CELF2: variants seen among roughly 807,000 people sequenced by gnomAD.
The protein encoded by CELF2 is CUGBP Elav-like family member 2.
Under a neutral mutation model 62.6 loss-of-function variants are expected in CELF2, and 8 were observed. The ratio of observed to expected loss-of-function variants is 0.13; its 90% CI spans 0.07 to 0.23. The LOEUF (loss-of-function observed/expected upper bound fraction) is 0.23. Among genes scored for constraint, CELF2 ranks in the 10% least tolerant of loss-of-function variants. CELF2 has a pLI of 1.00. For synonymous variants in CELF2, 258 were observed against 250.0 expected (o/e 1.03, Z -0.30); for missense variants, 333 against 671.0 (o/e 0.50, Z 5.56).
chr10:11,138,191 AT>A, intron 1 of CELF2, among the ~76,000 whole-genome samples: 1 of 152,366 alleles, frequency 6.6e-6, no homozygotes, highest in Non-Finnish European at 1.5e-5. Flanking sequence ...AGACTTTGAA[AT>A]ACTGACAGTA....
the CELF2 span, among the ~76,000 whole-genome samples, chr10:10,569,376 T>A: frequency 6.6e-6 from 1 of 152,066 alleles, no homozygotes; most frequent in Admixed American, 6.6e-5. Flanking sequence ...CCATCAGATC[T>A]CATGAGACTT....
chr10:10,878,276 T>C (rs911679950), intron 1 of CELF2, among the ~76,000 whole-genome samples: 10 of 152,182 alleles, frequency 6.6e-5, no homozygotes, highest in Admixed American at 6.5e-4. Flanking sequence ...GGCCACTCTT[T>C]CCTTTGCTTG....
intron 3 of CELF2, among the ~76,000 whole-genome samples, chr10:11,228,983 C>T (rs1051045241): frequency 3.3e-5 from 5 of 152,156 alleles, no homozygotes; most frequent in African/African-American, 4.8e-5. Context: ...AGGACCTGTG[C>T]AGGAAAGTAG....
chr10:10,509,416 C>A, the CELF2 span, among the ~76,000 whole-genome samples: 1 of 152,080 alleles, frequency 6.6e-6, no homozygotes, highest in African/African-American at 2.4e-5. Flanking sequence ...GATTAGTGCC[C>A]CAATTCCCAG....
the CELF2 span, among the ~76,000 whole-genome samples, chr10:10,758,570 A>G: frequency 6.8e-6 from 1 of 147,588 alleles, no homozygotes; most frequent in Admixed American, 7.0e-5. Flanking sequence ...ACGCTGTCCC[A>G]GTGTCTACAC....
chr10:11,307,563 A>T (rs1218007315), intron 9 of CELF2, among the ~76,000 whole-genome samples: 1 of 152,242 alleles, frequency 6.6e-6, no homozygotes, highest in East Asian at 1.9e-4. Context: ...ACAGTGCCAA[A>T]TTCATTACAT....
Position 11,300,795 on chromosome 10 carries a change from C to T in CELF2, c.976+12243C>T, listed in dbSNP as rs17150103. On this transcript the variant is annotated intron_variant, in intron 9 of 12. Transcript: ENST00000633077. The surrounding 1 kb of genome is among the most constrained non-coding windows in gnomAD (Gnocchi z 5.5). ...AACGGCGACCGCGGGCTCCAGTGTC[C>T]TGAGTATGTTTGGTCAATGCAGGCG... 5.2e-3 allele frequency among the ~76,000 whole-genome samples: 785 copies of T among 152,264 alleles called. 14 individuals carry two copies. Among genetic ancestry groups the T allele is most frequent in the South Asian group, 0.045 (217 of 4,822 alleles).
At chr10:11,002,079 A>G (rs2054571733), upstream of CELF2, among the ~76,000 whole-genome samples, 1 of 152,248 alleles carries the variant, frequency 6.6e-6, no homozygotes, top group South Asian at 2.1e-4. The surrounding 1 kb of genome is among the most constrained non-coding windows in gnomAD (Gnocchi z 4.4). Context: ...TAATTTATAA[A>G]GAAAAAGAGG....
chr10:11,115,280 G>A (rs958818582), intron 1 of CELF2, among the ~76,000 whole-genome samples: 1 of 152,234 alleles, frequency 6.6e-6, no homozygotes, highest in Admixed American at 6.5e-5. Flanking sequence ...GAGATAAAAA[G>A]GGATGTGTGT....
At chr10:10,754,863 T>G in the CELF2 span, among the ~76,000 whole-genome samples, 1 of 152,234 alleles carries the variant, frequency 6.6e-6, no homozygotes, top group Non-Finnish European at 1.5e-5. Context: ...TGATAACACC[T>G]GCATGAATTC....
In CELF2 at chr10:11,145,952, T is replaced by G. The variant is rs2062190137; in HGVS notation, c.75-19534T>G. On this transcript the variant is annotated intron_variant, in intron 1 of 12. Coordinates refer to ENST00000633077, the MANE Select transcript of CELF2 (RefSeq NM_001326342.2). This position sits in a 1 kb window ranked among gnomAD's most constrained non-coding sequence, Gnocchi z 4.3. The stretch of plus-strand genomic sequence containing the variant: ...ACTACTACTTAAAATCCAAGAACAT[T>G]GTGAGAATACCTACCTGTACTCTCC... Among the ~76,000 whole-genome samples, 1 of 152,226 alleles carries G rather than the reference T, an allele frequency of 6.6e-6. No homozygotes were observed. Among genetic ancestry groups the G allele is most frequent in the African/African-American group, 2.4e-5 (1 of 41,454 alleles).
intron 2 of CELF2, among the ~76,000 whole-genome samples, chr10:10,988,649 C>T (rs1333643865): frequency 1.3e-5 from 2 of 151,856 alleles, no homozygotes; most frequent in Non-Finnish European, 2.9e-5. Context: ...CATCTGTACC[C>T]CAAAAACTAT....
chr10:10,735,573 A>G, the CELF2 span, among the ~76,000 whole-genome samples: 260 of 152,354 alleles, frequency 1.7e-3, 2 homozygotes, highest in East Asian at 0.019. Context: ...GGGGAAAACT[A>G]GAGTTGAAGA....
intron 1 of CELF2, among the ~76,000 whole-genome samples, chr10:10,880,714 T>C (rs2133656864): frequency 6.6e-6 from 1 of 152,334 alleles, no homozygotes; most frequent in South Asian, 2.1e-4. Context: ...TAAGCCTCTC[T>C]GTTTAGGCAG....
intron 2 of CELF2, among the ~76,000 whole-genome samples, chr10:10,986,605 CA>C (rs1303473708): frequency 6.6e-6 from 1 of 152,192 alleles, no homozygotes; most frequent in Non-Finnish European, 1.5e-5. Flanking sequence ...AGTATCTTTA[CA>C]TTGGAATACA....
At chr10:11,041,448 T>C (rs907481777) in intron 1 of CELF2, among the ~76,000 whole-genome samples, 4 of 152,172 alleles carry the variant, frequency 2.6e-5, no homozygotes, top group African/African-American at 9.6e-5. Context: ...CACACATGCC[T>C]CAGGATTTCT....
At chr10:10,885,893 A>G (rs1330940360) in intron 1 of CELF2, among the ~76,000 whole-genome samples, 1 of 152,258 alleles carries the variant, frequency 6.6e-6, no homozygotes, top group Middle Eastern at 3.4e-3. Flanking sequence ...ATTCTCCTGC[A>G]CTTTAAGATC....
At position 11,270,638 on chromosome 10, in the gene CELF2, C is replaced by T; in HGVS notation, c.619-28C>T. ...GGATTCCGCCAGCCTGTAACCCCCTCTCCACTTTCCAATGTGTCTGACCAC... is the reference window on the plus strand; with the variant it reads ...GGATTCCGCCAGCCTGTAACCCCCTTTCCACTTTCCAATGTGTCTGACCAC... On this transcript the variant is annotated intron_variant, in intron 6 of 12. Coordinates refer to ENST00000633077, the MANE Select transcript of CELF2 (RefSeq NM_001326342.2). This position sits in a 1 kb window ranked among gnomAD's most constrained non-coding sequence, Gnocchi z 5.8. 1 of 1,404,804 alleles carries T rather than the reference C, an allele frequency of 7.1e-7. No individual in the cohort carries two copies. The highest frequency in any genetic ancestry group is 9.4e-7 in the Non-Finnish European group (1 of 1,066,856). The allele number at this position is 1,404,804 out of a possible 1,614,324, so 87.0% of individuals were successfully genotyped here. A position where few individuals can be genotyped will look rare whatever the true frequency, so the allele number is the denominator to read the frequency against.
chr10:10,494,396 A>G, the CELF2 span, among the ~76,000 whole-genome samples: 21 of 152,322 alleles, frequency 1.4e-4, no homozygotes, highest in African/African-American at 4.6e-4. Context: ...AACATCTTTG[A>G]CTATTCCCAC....
Sources: allele counts gnomAD v4.1 joint callset (sites outside exome capture counted in the v4.1 genomes callset), GRCh38; gene constraint gnomAD v4.1.1; non-coding constraint Gnocchi (gnomAD v3.1); transcripts MANE v1.5; gene names NCBI Gene and HGNC (gene_info 2026-07-23, HGNC 2026-07-21).